Variants in ADAMTS2 observed in about 807,000 individuals in gnomAD.
ADAMTS2 encodes the protein A disintegrin and metalloproteinase with thrombospondin motifs 2.
A neutral mutation model predicts 123.0 loss-of-function variants in ADAMTS2; 50 were observed. The observed-to-expected ratio is 0.41, with a 90% CI of 0.32 to 0.51. The LOEUF is 0.51. Ranked by LOEUF, ADAMTS2 falls within the 20% of genes least tolerant of loss-of-function variation. The pLI, the probability that ADAMTS2 is intolerant of heterozygous loss-of-function variation, is 0.35. For missense variants in ADAMTS2, 1,494 were observed against 1,705.2 expected (o/e 0.88, Z 2.18); for synonymous variants, 678 against 695.4 (o/e 0.98, Z 0.39).
At chr5:179,207,926 C>T (rs947005491) in intron 3 of ADAMTS2, among the ~76,000 whole-genome samples, 1 of 152,164 alleles carries the variant, frequency 6.6e-6, no homozygotes, top group African/African-American at 2.4e-5. Context: ...ACAGGCACCT[C>T]TGTGACTTCC....
At chr5:179,138,747 C>A (rs1397731371) in intron 11 of ADAMTS2, among the ~76,000 whole-genome samples, 1 of 152,184 alleles carries the variant, frequency 6.6e-6, no homozygotes, top group Non-Finnish European at 1.5e-5. Flanking sequence ...CTGAGGGAGG[C>A]TGTCCCACTG....
chr5:179,114,845 G>A (rs1762630672), intron 21 of ADAMTS2, among the ~76,000 whole-genome samples: 1 of 152,154 alleles, frequency 6.6e-6, no homozygotes, highest in African/African-American at 2.4e-5. Context: ...GCCCCACCAT[G>A]CTCCACAACT....
At chr5:179,328,353 T>G (rs2127458328) in intron 2 of ADAMTS2, among the ~76,000 whole-genome samples, 1 of 152,332 alleles carries the variant, frequency 6.6e-6, no homozygotes, top group East Asian at 1.9e-4. Context: ...TCAGAAGGAC[T>G]TTTTGTGATT....
intron 5 of ADAMTS2, among the ~76,000 whole-genome samples, chr5:179,165,565 G>C (rs763099871): frequency 6.6e-5 from 10 of 152,302 alleles, no homozygotes; most frequent in Middle Eastern, 3.4e-3. Flanking sequence ...CTCTGCAAAG[G>C]GGGTGGCTGC....
intron 7 of ADAMTS2, 65 bp downstream of exon 7, chr5:179,154,748 TG>T: frequency 7.5e-7 from 1 of 1,336,644 alleles, no homozygotes; most frequent in Non-Finnish European, 1.1e-6. Flanking sequence ...AGAGGAGAAG[TG>T]GGCAGCCAGG....
intron 2 of ADAMTS2, among the ~76,000 whole-genome samples, chr5:179,280,652 G>A (rs966504671): frequency 2.6e-5 from 4 of 152,058 alleles, no homozygotes; most frequent in Non-Finnish European, 2.9e-5. Context: ...GTCCCTGGGC[G>A]CACCCCCAGT....
intron 12 of ADAMTS2, among the ~76,000 whole-genome samples, chr5:179,136,768 A>C (rs553172449): frequency 1.3e-5 from 2 of 151,766 alleles, no homozygotes; most frequent in Admixed American, 1.3e-4. Flanking sequence ...CAGGAGATGG[A>C]GACCATCCTG....
chr5:179,154,292 G>T (rs1763425742), intron 7 of ADAMTS2, 100 bp from the exon 8 acceptor site: 1 of 1,504,172 alleles, frequency 6.6e-7, no homozygotes, highest in Non-Finnish European at 8.9e-7. Context: ...TTCCCCAACG[G>T]GCCTCCTGAC....
At chr5:179,190,647 T>C (rs551382862) in intron 4 of ADAMTS2, among the ~76,000 whole-genome samples, 134 of 152,302 alleles carry the variant, frequency 8.8e-4, no homozygotes, top group African/African-American at 3.0e-3. Flanking sequence ...TTCAAAAGCT[T>C]TATTGCTCAC....
chr5:179,232,953 T>A (rs565330651), intron 3 of ADAMTS2, among the ~76,000 whole-genome samples: 13 of 152,310 alleles, frequency 8.5e-5, no homozygotes, highest in Non-Finnish European at 1.8e-4. Flanking sequence ...CCAACAAGTC[T>A]GGAGAATGGA....
chr5:179,149,544 C>A (rs1763312004), intron 10 of ADAMTS2, among the ~76,000 whole-genome samples: 1 of 152,166 alleles, frequency 6.6e-6, no homozygotes, highest in South Asian at 2.1e-4. Flanking sequence ...ATGGAAGGAG[C>A]CACGCAGTGG....
intron 2 of ADAMTS2, among the ~76,000 whole-genome samples, chr5:179,322,694 C>T (rs958496889): frequency 6.6e-6 from 1 of 152,204 alleles, no homozygotes; most frequent in South Asian, 2.1e-4. Context: ...ACGAGGGCCT[C>T]GGCAGCTCCG....
chr5:179,244,404 C>T (rs545604546), intron 3 of ADAMTS2, among the ~76,000 whole-genome samples: 159 of 152,270 alleles, frequency 1.0e-3, no homozygotes, highest in African/African-American at 3.6e-3. Flanking sequence ...GAATCTTTCT[C>T]CAGCAGAACT....
chr5:179,229,454 CGAGACCCTGCTGCCCACTCCACAAACAT>C (rs1491000515), intron 3 of ADAMTS2, among the ~76,000 whole-genome samples: 8 of 107,648 alleles, frequency 7.4e-5, no homozygotes, highest in South Asian at 7.1e-4. Flanking sequence ...TCCACAAACA[CGAGACCCTGCTGCCCACTCCACAAACAT>C]GAGACCCCGC....
chr5:179,204,959 A>G (rs1239664847), intron 4 of ADAMTS2, among the ~76,000 whole-genome samples: 2 of 152,170 alleles, frequency 1.3e-5, no homozygotes, highest in African/African-American at 2.4e-5. Context: ...CGGCCCAAAT[A>G]CTTTCTCAAC....
intron 2 of ADAMTS2, among the ~76,000 whole-genome samples, chr5:179,305,769 T>C (rs1756655479): frequency 6.6e-6 from 1 of 152,050 alleles, no homozygotes; most frequent in Non-Finnish European, 1.5e-5. Context: ...AAATATGAAT[T>C]ACCAGTATCA....
At chr5:179,239,419 G>C (rs1279941963) in intron 3 of ADAMTS2, among the ~76,000 whole-genome samples, 1 of 152,184 alleles carries the variant, frequency 6.6e-6, no homozygotes, top group African/African-American at 2.4e-5. Flanking sequence ...CGAGGGTGGA[G>C]TGCGGAGAGG....
intron 4 of ADAMTS2, among the ~76,000 whole-genome samples, chr5:179,182,294 G>A (rs529833350): frequency 2.0e-5 from 3 of 152,332 alleles, no homozygotes; most frequent in South Asian, 4.1e-4. Flanking sequence ...CCATCAAGAA[G>A]TGGAGAAACA....
At position 179,129,591 on chromosome 5, in the gene ADAMTS2, C is replaced by T. The variant is rs956497922; in HGVS notation, c.2457+341G>A. On this transcript the variant is annotated intron_variant, in intron 16 of 21. Transcript: ENST00000251582. This position sits in a 1 kb window ranked among gnomAD's most constrained non-coding sequence, Gnocchi z 4.1. ...GGCATCTAGCTTCCCAGACCCTGAG[C>T]GTCACCTCCCAGAGTGTCACCGATT... Among the ~76,000 whole-genome samples, 3 of 152,118 alleles carry T rather than the reference C, an allele frequency of 2.0e-5. No individual in the cohort carries two copies. The highest frequency in any genetic ancestry group is 4.4e-5 in the Non-Finnish European group (3 of 68,016).
Sources: gnomAD v4.1 joint callset for allele counts (sites outside exome capture counted in the v4.1 genomes callset) on GRCh38, gnomAD v4.1.1 for gene constraint, Gnocchi (gnomAD v3.1) non-coding constraint, MANE v1.5 for transcripts, NCBI Gene and HGNC (gene_info 2026-07-23, HGNC 2026-07-21) for gene names.